ASTN2: variants seen among roughly 807,000 people sequenced by gnomAD.
The protein encoded by ASTN2 is astrotactin 2.
A neutral mutation model predicts 139.8 loss-of-function variants in ASTN2; 54 were observed. That is an observed-to-expected ratio of 0.39 (90% CI 0.31 to 0.48). The LOEUF is 0.48. ASTN2 is among the 20% of genes least tolerant of loss of function. The pLI, the probability that ASTN2 is intolerant of heterozygous loss-of-function variation, is 0.95. For synonymous variants in ASTN2, 756 were observed against 719.5 expected (o/e 1.05, Z -0.81); for missense variants, 1,565 against 1,725.1 (o/e 0.91, Z 1.64).
At chr9:116,663,499 C>T (rs537157480) in intron 16 of ASTN2, among the ~76,000 whole-genome samples, 6 of 152,228 alleles carry the variant, frequency 3.9e-5, no homozygotes, top group African/African-American at 1.4e-4. Flanking sequence ...TAAAAATACT[C>T]ATGTTAAAAG....
intron 1 of ASTN2, among the ~76,000 whole-genome samples, chr9:117,413,620 G>T (rs1831235854): frequency 6.6e-6 from 1 of 152,314 alleles, no homozygotes; most frequent in African/African-American, 2.4e-5. Flanking sequence ...GACTCCTCCG[G>T]GATTCGCGCA....
At chr9:116,665,749 A>C (rs1588161888) in intron 16 of ASTN2, among the ~76,000 whole-genome samples, 1 of 152,312 alleles carries the variant, frequency 6.6e-6, no homozygotes, top group East Asian at 1.9e-4. Context: ...AACATTAAAC[A>C]ATTTGAACAA....
intron 16 of ASTN2, among the ~76,000 whole-genome samples, chr9:116,725,267 T>C (rs1828587145): frequency 6.6e-6 from 1 of 152,046 alleles, no homozygotes; most frequent in Admixed American, 6.6e-5. Context: ...TGCTGGCCCT[T>C]CCTGAGGATA....
At chr9:116,503,028 AAGG>A (rs1451765542) in intron 19 of ASTN2, among the ~76,000 whole-genome samples, 2 of 149,776 alleles carry the variant, frequency 1.3e-5, no homozygotes, top group East Asian at 2.0e-4. Flanking sequence ...GGAAAGAAAA[AAGG>A]AGGAAGGAAA....
At chr9:117,404,707 A>G (rs1212515020) in intron 1 of ASTN2, among the ~76,000 whole-genome samples, 1 of 151,996 alleles carries the variant, frequency 6.6e-6, no homozygotes, top group Non-Finnish European at 1.5e-5. Flanking sequence ...TACATCTCAG[A>G]CTCCAGACAC....
intron 20 of ASTN2, among the ~76,000 whole-genome samples, chr9:116,472,553 A>G (rs901059200): frequency 6.6e-6 from 1 of 152,156 alleles, no homozygotes; most frequent in African/African-American, 2.4e-5. Context: ...ACTGCCTAAG[A>G]GAGAAGTGCA....
chr9:116,895,971 C>T (rs568635147), intron 10 of ASTN2, among the ~76,000 whole-genome samples: 2 of 152,030 alleles, frequency 1.3e-5, no homozygotes, highest in Admixed American at 6.6e-5. Context: ...ACAATAAATG[C>T]CATTGAATTT....
intron 1 of ASTN2, among the ~76,000 whole-genome samples, chr9:117,332,490 A>G (rs1280326552): frequency 2.0e-5 from 3 of 152,180 alleles, no homozygotes; most frequent in African/African-American, 7.2e-5. Context: ...CGCTTGAGCC[A>G]GAGAGGCAGA....
At chr9:116,453,592 T>TAAA (rs1848239216) in intron 20 of ASTN2, among the ~76,000 whole-genome samples, 1 of 8,128 alleles carries the variant, frequency 1.2e-4, no homozygotes. Context: ...AGACTCCGTC[T>TAAA]CAAAAAAAAA....
chr9:117,217,701 T>C (rs2133030113), intron 2 of ASTN2, among the ~76,000 whole-genome samples: 2 of 152,312 alleles, frequency 1.3e-5, no homozygotes, highest in East Asian at 3.9e-4. Flanking sequence ...ATAAGATGCT[T>C]GTGGGGTATT....
chr9:116,775,808 GAAGAA>G (rs1327068630), intron 13 of ASTN2, among the ~76,000 whole-genome samples: 4 of 121,340 alleles, frequency 3.3e-5, no homozygotes, highest in South Asian at 2.8e-4. Flanking sequence ...AGGAGGGAAG[GAAGAA>G]AGGAAGGAAG....
chr9:116,512,439 G>T (rs1850434464), intron 19 of ASTN2, among the ~76,000 whole-genome samples: 1 of 152,262 alleles, frequency 6.6e-6, no homozygotes, highest in African/African-American at 2.4e-5. Context: ...GTCAATTTTG[G>T]AATAAGTGCG....
At chr9:117,096,744 G>A (rs1828849370) in intron 4 of ASTN2, among the ~76,000 whole-genome samples, 1 of 152,278 alleles carries the variant, frequency 6.6e-6, no homozygotes, top group East Asian at 1.9e-4. Flanking sequence ...CTAGGAATAT[G>A]GGGGAGTGCA....
chr9:117,100,090 C>T (rs1319773897), intron 4 of ASTN2, among the ~76,000 whole-genome samples: 1 of 152,178 alleles, frequency 6.6e-6, no homozygotes, highest in Non-Finnish European at 1.5e-5. Context: ...TTAATTGACT[C>T]CAACACCTGG....
intron 7 of ASTN2, among the ~76,000 whole-genome samples, chr9:116,999,765 G>C (rs553078206): frequency 6.6e-6 from 1 of 151,890 alleles, no homozygotes; most frequent in Admixed American, 6.6e-5. Context: ...TCACAGTGTG[G>C]GCCAGGCTGG....
intron 19 of ASTN2, among the ~76,000 whole-genome samples, chr9:116,580,430 CA>C (rs1469284657): frequency 1.3e-5 from 2 of 152,096 alleles, no homozygotes; most frequent in Non-Finnish European, 2.9e-5. Flanking sequence ...GAACATTGAT[CA>C]GGGGTTATTA....
chr9:117,116,343 T>G (rs984585829), intron 4 of ASTN2, among the ~76,000 whole-genome samples: 4 of 152,154 alleles, frequency 2.6e-5, no homozygotes, highest in African/African-American at 9.7e-5. Flanking sequence ...TAAAAGAATG[T>G]GAACTTCTCT....
At chr9:117,114,863 C>T (rs1829338546) in intron 4 of ASTN2, among the ~76,000 whole-genome samples, 1 of 152,130 alleles carries the variant, frequency 6.6e-6, no homozygotes, top group South Asian at 2.1e-4. Flanking sequence ...TTGGAGAGCC[C>T]ACATGTAGGC....
intron 22 of ASTN2, chr9:116,437,160 C>A (rs1847681313): frequency 2.8e-6 from 1 of 355,604 alleles, no homozygotes; most frequent in Non-Finnish European, 5.5e-6. Flanking sequence ...AACTAACCTG[C>A]ACATTGTGCA....
Sources: allele counts gnomAD v4.1 joint callset (sites outside exome capture counted in the v4.1 genomes callset), GRCh38; gene constraint gnomAD v4.1.1; transcripts MANE v1.5; gene names NCBI Gene and HGNC (gene_info 2026-07-23, HGNC 2026-07-21).